Variants in ELK3 observed in about 807,000 individuals in gnomAD.
The protein encoded by ELK3 is ETS transcription factor ELK3, also known as ETS domain-containing protein Elk-3.
A neutral mutation model predicts 28.9 loss-of-function variants in ELK3; 10 were observed. The observed-to-expected ratio is 0.35, with a 90% CI of 0.21 to 0.59. The LOEUF is 0.59. ELK3 is among the 20% of genes least tolerant of loss of function. ELK3 has a pLI of 0.82. For missense variants in ELK3, 463 were observed against 517.3 expected (o/e 0.90, Z 1.02); for synonymous variants, 272 against 243.5 (o/e 1.12, Z -1.09).
At chr12:96,202,834 G>A (rs898708265) in intron 1 of ELK3, among the ~76,000 whole-genome samples, 10 of 149,820 alleles carry the variant, frequency 6.7e-5, no homozygotes, top group African/African-American at 2.5e-4. Context: ...GCCACCACAG[G>A]CTTTATTTAC....
chr12:96,256,992 G>A (rs1390078274), intron 3 of ELK3, among the ~76,000 whole-genome samples: 1 of 152,222 alleles, frequency 6.6e-6, no homozygotes, highest in Admixed American at 6.5e-5. Flanking sequence ...CTTACTCTTT[G>A]CAAATGCATT....
intron 3 of ELK3, among the ~76,000 whole-genome samples, chr12:96,256,311 T>C (rs1294518489): frequency 6.6e-6 from 1 of 152,020 alleles, no homozygotes; most frequent in Non-Finnish European, 1.5e-5. Context: ...ATGCGGGTGG[T>C]AAATGGGGCT....
rs1258732033 is a variant in ELK3, at chr12:96,199,037, C to CAAAGA, written c.-3+4332_-3+4333insAAAGA. Among the ~76,000 whole-genome samples, 12 of 152,106 alleles carry CAAAGA rather than the reference C, an allele frequency of 7.9e-5. No homozygotes were observed. In the South Asian group the frequency reaches 1.5e-3, roughly 18 times the overall value. ...TCAAGTAATGTTCTAAGAATGCTGC[C>CAAAGA]CTCTTGAAAGACTGAGTTCCTATGT... On this transcript the variant is annotated intron_variant, in intron 1 of 4. Coordinates refer to ENST00000228741, the MANE Select transcript of ELK3 (RefSeq NM_005230.4).
chr12:96,253,184 T>TG (rs1334184973), intron 3 of ELK3, among the ~76,000 whole-genome samples: 1 of 152,140 alleles, frequency 6.6e-6, no homozygotes, highest in African/African-American at 2.4e-5. Context: ...CACTTGAACC[T>TG]GGGAGGTGGA....
chr12:96,220,449 G>A (rs537361388), intron 1 of ELK3, among the ~76,000 whole-genome samples: 99 of 147,728 alleles, frequency 6.7e-4, no homozygotes, highest in African/African-American at 2.3e-3. Context: ...GTGCAGTGGC[G>A]CGATCTTGGC....
intron 3 of ELK3, among the ~76,000 whole-genome samples, chr12:96,253,985 G>A (rs1951927213): frequency 6.6e-6 from 1 of 152,222 alleles, no homozygotes; most frequent in African/African-American, 2.4e-5. Flanking sequence ...AAATTATGGA[G>A]GACCCTGAGA....
At chr12:96,257,161 T>TC (rs1951956703) in intron 3 of ELK3, among the ~76,000 whole-genome samples, 1 of 152,170 alleles carries the variant, frequency 6.6e-6, no homozygotes, top group Non-Finnish European at 1.5e-5. Context: ...TCTGCCTGAC[T>TC]CCAGGAGCGT....
intron 1 of ELK3, among the ~76,000 whole-genome samples, chr12:96,206,989 A>G (rs1241513726): frequency 3.9e-5 from 6 of 152,256 alleles, no homozygotes; most frequent in African/African-American, 1.4e-4. Flanking sequence ...TATTTGAAAT[A>G]TGAGGCATTA....
intron 1 of ELK3, among the ~76,000 whole-genome samples, chr12:96,205,522 G>A (rs538649938): frequency 6.6e-6 from 1 of 151,996 alleles, no homozygotes; most frequent in Admixed American, 6.6e-5. Context: ...CACCCAGGCC[G>A]GAGTGCAGTG....
At chr12:96,256,404 G>C (rs1212931900) in intron 3 of ELK3, among the ~76,000 whole-genome samples, 1 of 152,164 alleles carries the variant, frequency 6.6e-6, no homozygotes, top group Admixed American at 6.5e-5. Flanking sequence ...TATTTATTGA[G>C]GCAGTGCCTA....
chr12:96,226,685 G>T (rs1951704061), intron 2 of ELK3, among the ~76,000 whole-genome samples: 1 of 150,178 alleles, frequency 6.7e-6, no homozygotes, highest in African/African-American at 2.5e-5. Context: ...CATATGCACA[G>T]ACATGTGCAC....
chr12:96,236,451 G>A (rs1420594041), intron 2 of ELK3, among the ~76,000 whole-genome samples: 2 of 152,198 alleles, frequency 1.3e-5, no homozygotes, highest in Non-Finnish European at 2.9e-5. Flanking sequence ...GTGCCAGAAA[G>A]CAAAGAAACC....
At chr12:96,256,229 T>C (rs939442206) in intron 3 of ELK3, among the ~76,000 whole-genome samples, 5 of 152,142 alleles carry the variant, frequency 3.3e-5, no homozygotes, top group African/African-American at 1.2e-4. Context: ...GAGACTGAGT[T>C]GTGGGACTCC....
intron 1 of ELK3, among the ~76,000 whole-genome samples, chr12:96,202,602 C>T (rs945858124): frequency 3.4e-5 from 5 of 148,314 alleles, no homozygotes; most frequent in African/African-American, 1.0e-4. Flanking sequence ...TCTTGGGTCA[C>T]TGCAACCTCC....
chr12:96,225,909 G>A (rs771061434), intron 2 of ELK3, among the ~76,000 whole-genome samples: 89 of 152,306 alleles, frequency 5.8e-4, no homozygotes, highest in Non-Finnish European at 1.1e-3. Flanking sequence ...GAGGCAGGAG[G>A]ATCACTTGAG....
intron 3 of ELK3, among the ~76,000 whole-genome samples, chr12:96,254,921 AC>A (rs1249570751): frequency 2.6e-5 from 4 of 152,042 alleles, no homozygotes; most frequent in Admixed American, 1.3e-4. Flanking sequence ...AGGCATAGAT[AC>A]GTGAAATAGC....
At chr12:96,259,289 C>G (rs76316020) in intron 3 of ELK3, among the ~76,000 whole-genome samples, 1 of 152,162 alleles carries the variant, frequency 6.6e-6, no homozygotes, top group African/African-American at 2.4e-5. Context: ...TGGTGGCTCA[C>G]GCCTGTAATC....
At chr12:96,258,082 T>A (rs1951965121) in intron 3 of ELK3, among the ~76,000 whole-genome samples, 2 of 152,202 alleles carry the variant, frequency 1.3e-5, no homozygotes, top group Non-Finnish European at 2.9e-5. Flanking sequence ...TCTCCCCATT[T>A]TACAGATGAG....
intron 1 of ELK3, among the ~76,000 whole-genome samples, chr12:96,196,721 G>C (rs1008941512): frequency 4.7e-5 from 7 of 148,626 alleles, no homozygotes; most frequent in African/African-American, 1.7e-4. Flanking sequence ...GCCAAATATA[G>C]CAAAGGCCTT....
Sources: allele counts gnomAD v4.1 joint callset (sites outside exome capture counted in the v4.1 genomes callset), GRCh38; gene constraint gnomAD v4.1.1; transcripts MANE v1.5; gene names NCBI Gene and HGNC (gene_info 2026-07-23, HGNC 2026-07-21).